The following GPT2 variants were observed in gnomAD, a reference collection of about 807,000 sequenced individuals.
GPT2 encodes the protein alanine aminotransferase 2.
GPT2 carries 30 observed loss-of-function variants against 56.9 expected under a neutral mutation model. The ratio of observed to expected loss-of-function variants is 0.53; its 90% CI spans 0.39 to 0.72. The LOEUF is 0.72. GPT2 is among the 30% of genes least tolerant of loss of function. The pLI is 0.00. For synonymous variants in GPT2, 271 were observed against 283.1 expected, an observed-to-expected ratio of 0.96 and a Z score of 0.43; for missense variants, 542 against 703.4, an observed-to-expected ratio of 0.77 and a Z score of 2.60.
chr16:46,909,084 T>A (rs547921417), intron 5 of GPT2, among the ~76,000 whole-genome samples: 1 of 152,008 alleles, frequency 6.6e-6, no homozygotes, highest in Non-Finnish European at 1.5e-5. Context: ...TTTTATCCCA[T>A]TTTAAGAGTC....
Position 46,922,405 on chromosome 16 carries a change from C to G in GPT2, c.1201C>G (p.Gln401Glu). 6.2e-7 allele frequency: 1 copy of G among 1,610,970 alleles called. No homozygotes were observed. Among genetic ancestry groups the G allele is most frequent in the South Asian group, 1.1e-5 (1 of 90,876 alleles). ...PPVAGEESFEQFSREKESVLG... is the reference protein window; with the variant it reads ...PPVAGEESFEEFSREKESVLG... The stretch of plus-strand genomic sequence containing the variant: ...GGTGGCAGGAGAGGAGTCCTTTGAG[C>G]AATTCAGCCGAGTGAGTCCACTGTG... The change falls in exon 9 of 12, where the codon CAA becomes GAA. Residue 401 changes from glutamine (Q) to glutamate (E), a missense_variant. By Grantham distance (29) the Gln-to-Glu change is conservative. Transcript: ENST00000340124.
intron 4 of GPT2, among the ~76,000 whole-genome samples, chr16:46,906,198 A>G (rs1228964303): frequency 6.6e-6 from 1 of 151,996 alleles, no homozygotes; most frequent in Non-Finnish European, 1.5e-5. Context: ...CTCAGCCTCC[A>G]AGTAGCTGGG....
intron 10 of GPT2, among the ~76,000 whole-genome samples, chr16:46,926,439 ACT>A (rs1302634573): frequency 3.3e-5 from 5 of 150,434 alleles, no homozygotes; most frequent in African/African-American, 1.2e-4. Flanking sequence ...ACAGAGGGAG[ACT>A]CTGTTGCAAA....
chr16:46,890,327 G>A (rs1960561549), intron 2 of GPT2, among the ~76,000 whole-genome samples: 2 of 152,160 alleles, frequency 1.3e-5, no homozygotes, highest in Admixed American at 6.5e-5. Flanking sequence ...GGGATCAGGA[G>A]CCCGGGAGCA....
At position 46,931,068 on chromosome 16, in the gene GPT2, G is replaced by A. The variant is rs555399992; in HGVS notation, c.*2071G>A. On this transcript the variant is annotated 3_prime_UTR_variant, in exon 12 of 12. Transcript: ENST00000340124. ...CAGATCTGTGTGTGTAGCATGTGCT[G>A]AGGAAGCACGTGCTGGGCTGTGCCT... is the stretch of plus-strand genomic sequence containing the variant. 1.4e-4 allele frequency: 21 copies of A among 152,362 alleles called. No homozygotes were observed. Among genetic ancestry groups the A allele is most frequent in the Admixed American group, 9.8e-4 (15 of 15,298 alleles). The allele number at this position is 152,362 out of a possible 1,614,324, so 9.4% of individuals were successfully genotyped here.
chr16:46,891,434 G>A (rs1356679567), intron 2 of GPT2, among the ~76,000 whole-genome samples: 1 of 151,158 alleles, frequency 6.6e-6, no homozygotes, highest in Non-Finnish European at 1.5e-5. Flanking sequence ...ATGGAGTTTC[G>A]CTCTTGTTGC....
chr16:46,916,519 G>A (rs1017973264), intron 6 of GPT2, 109 bp from the exon 7 acceptor site: 8 of 816,988 alleles, frequency 9.8e-6, no homozygotes, highest in African/African-American at 6.7e-5. Context: ...GGTGTTCTAT[G>A]GGTCTCAAGG....
intron 2 of GPT2, chr16:46,885,470 C>T (rs993882988): frequency 4.1e-6 from 4 of 985,258 alleles, no homozygotes; most frequent in Non-Finnish European, 3.6e-6. Context: ...CCTTTAGGGT[C>T]TTTGCCAATC....
At chr16:46,897,868 A>G in intron 3 of GPT2, 131 bp downstream of exon 3, 1 of 724,364 alleles carries the variant, frequency 1.4e-6, no homozygotes, top group Admixed American at 2.9e-5. Flanking sequence ...TGTCTCCCTT[A>G]GCCTCCTTCC....
chr16:46,888,439 C>T (rs1024833321), intron 2 of GPT2, among the ~76,000 whole-genome samples: 3 of 152,010 alleles, frequency 2.0e-5, no homozygotes, highest in Admixed American at 6.6e-5. Flanking sequence ...CTCCGCCTCC[C>T]GGGTTGAAGT....
chr16:46,919,412 A>C (rs1192002636), intron 8 of GPT2, among the ~76,000 whole-genome samples: 2 of 152,078 alleles, frequency 1.3e-5, no homozygotes, highest in African/African-American at 4.8e-5. Flanking sequence ...CTCACTGAGG[A>C]GTTGGCTTCT....
chr16:46,908,686 G>GA (rs907821391), intron 5 of GPT2, among the ~76,000 whole-genome samples: 1 of 152,110 alleles, frequency 6.6e-6, no homozygotes, highest in Non-Finnish European at 1.5e-5. Flanking sequence ...TCTAACATTG[G>GA]AGCTCCAGCT....
intron 7 of GPT2, among the ~76,000 whole-genome samples, chr16:46,917,828 C>G (rs921511789): frequency 6.6e-5 from 10 of 152,028 alleles, no homozygotes; most frequent in African/African-American, 2.4e-4. Context: ...AGTAGATGGG[C>G]CTGATATCTT....
At chr16:46,906,150 C>T (rs777219744) in intron 4 of GPT2, among the ~76,000 whole-genome samples, 2 of 151,940 alleles carry the variant, frequency 1.3e-5, no homozygotes, top group South Asian at 2.1e-4. Context: ...CATAGCTCAC[C>T]GCAGCCTCTA....
intron 4 of GPT2, 147 bp downstream of exon 4, chr16:46,900,937 G>A (rs765237817): frequency 2.3e-5 from 14 of 619,734 alleles, no homozygotes; most frequent in Middle Eastern, 4.2e-4. Context: ...AAAAAATAGC[G>A]TCCTCTTCCC....
chr16:46,893,399 G>A (rs751320061), intron 2 of GPT2, among the ~76,000 whole-genome samples: 1 of 152,336 alleles, frequency 6.6e-6, no homozygotes, highest in Non-Finnish European at 1.5e-5. Context: ...CCAAAGTGCT[G>A]GGAATACAGG....
chr16:46,894,545 A>G (rs1960646508), intron 2 of GPT2, among the ~76,000 whole-genome samples: 1 of 152,060 alleles, frequency 6.6e-6, no homozygotes, highest in Admixed American at 6.5e-5. Context: ...TGGCTGTGGG[A>G]TGAGTGTGGG....
chr16:46,888,401 CAGTGA>C (rs1330602794), intron 2 of GPT2, among the ~76,000 whole-genome samples: 18 of 152,342 alleles, frequency 1.2e-4, no homozygotes, highest in African/African-American at 4.3e-4. Flanking sequence ...GGCTGGAGTG[CAGTGA>C]TGCGATCTCA....
intron 2 of GPT2, among the ~76,000 whole-genome samples, chr16:46,885,849 C>T (rs902393336): frequency 3.3e-5 from 5 of 151,988 alleles, no homozygotes; most frequent in African/African-American, 1.2e-4. Context: ...GTAAATACTC[C>T]TAAGATTTGT....
Sources: allele counts gnomAD v4.1 joint callset (sites outside exome capture counted in the v4.1 genomes callset), GRCh38; gene constraint gnomAD v4.1.1; transcripts MANE v1.5; gene names NCBI Gene and HGNC (gene_info 2026-07-23, HGNC 2026-07-21).